SRC: variants seen among roughly 807,000 people sequenced by gnomAD.
The protein encoded by SRC is SRC proto-oncogene, non-receptor tyrosine kinase.
SRC carries 13 observed loss-of-function variants against 62.9 expected under a neutral mutation model. The observed-to-expected ratio is 0.21, with a 90% CI of 0.13 to 0.33. The LOEUF (loss-of-function observed/expected upper bound fraction) is 0.33, where lower values mean the gene tolerates loss of function less well. Among genes scored for constraint, SRC ranks in the 10% least tolerant of loss-of-function variants. The pLI is 1.00. For missense variants in SRC, 457 were observed against 737.3 expected (o/e 0.62, Z 4.40); for synonymous variants, 302 against 317.5 (o/e 0.95, Z 0.52).
chr20:37,351,150 T>A lies in SRC; in HGVS notation c.-247+4895T>A, dbSNP rs1402110891. On this transcript the variant is annotated intron_variant, in intron 1 of 13. Transcript: ENST00000373578. The surrounding 1 kb of genome is among the most constrained non-coding windows in gnomAD (Gnocchi z 4.4). ...ACCTCCATCTCCCTACTCCTTGCTC[T>A]GGGTCCTTGGGCAAGTGACTTTCCC... Among the ~76,000 whole-genome samples the A allele has an allele frequency of 6.6e-6, 1 of 152,250 alleles. No homozygotes were observed. The highest frequency in any genetic ancestry group is 2.4e-5 in the African/African-American group (1 of 41,470).
At chr20:37,374,561 T>C (rs1195625363) in intron 2 of SRC, among the ~76,000 whole-genome samples, 3 of 143,162 alleles carry the variant, frequency 2.1e-5, no homozygotes, top group East Asian at 2.1e-4. Context: ...CCAAATACTA[T>C]AATAATACTC....
intron 2 of SRC, among the ~76,000 whole-genome samples, chr20:37,372,345 T>G (rs1202729142): frequency 6.6e-6 from 1 of 152,206 alleles, no homozygotes; most frequent in Non-Finnish European, 1.5e-5. Flanking sequence ...TTAAGTTCTC[T>G]TTTACCACAT....
intron 1 of SRC, among the ~76,000 whole-genome samples, chr20:37,355,385 G>T (rs995238296): frequency 1.3e-5 from 2 of 152,124 alleles, no homozygotes; most frequent in East Asian, 3.9e-4. Flanking sequence ...CATTTGCAGC[G>T]AGCTCCCCCC....
intron 1 of SRC, among the ~76,000 whole-genome samples, chr20:37,361,379 A>G (rs1327946997): frequency 6.6e-6 from 1 of 152,164 alleles, no homozygotes; most frequent in Non-Finnish European, 1.5e-5. Context: ...GAGTAAAGGC[A>G]GGCTGACCTT....
At chr20:37,386,546 AT>A in intron 5 of SRC, 1 of 703,856 alleles carries the variant, frequency 1.4e-6, no homozygotes, top group South Asian at 1.5e-5. Context: ...TGCTGTCTGC[AT>A]GTGCTTCCAC....
At chr20:37,352,453 T>C (rs8125374) in intron 1 of SRC, among the ~76,000 whole-genome samples, 7,265 of 152,240 alleles carry the variant, frequency 0.048, 299 homozygotes, top group African/African-American at 0.11. Context: ...GCTTGGTGAC[T>C]GGATTGATTG....
At position 37,394,003 on chromosome 20, in the gene SRC, G is replaced by A. The variant is rs139475374; in HGVS notation, c.449+10G>A. 124 of 1,612,144 alleles carry A rather than the reference G, an allele frequency of 7.7e-5. No individual in the cohort carries two copies. The East Asian group carries it at 8.2e-4, about 11-fold the overall frequency. On this transcript the variant is annotated intron_variant, in intron 6 of 13. Coordinates refer to ENST00000373578, the MANE Select transcript of SRC (RefSeq NM_198291.3). Reference sequence around the variant, plus strand: ...CCATCCAGGCTGAGGAGTGAGTACCGTCTCTGGCTGCCTCTACCCGTCGTC... The same window carrying A: ...CCATCCAGGCTGAGGAGTGAGTACCATCTCTGGCTGCCTCTACCCGTCGTC...
Position 37,403,569 on chromosome 20 carries a change from G to T in SRC, c.*190G>T. The stretch of plus-strand genomic sequence containing the variant: ...ACCTAGGGTGGCCTGAGAGGGCGGT[G>T]GGTATGCGAGACCAGCACGGTGACT... On this transcript the variant is annotated 3_prime_UTR_variant, in exon 14 of 14. Coordinates refer to ENST00000373578, the MANE Select transcript of SRC (RefSeq NM_198291.3). The surrounding 1 kb of genome is among the most constrained non-coding windows in gnomAD (Gnocchi z 7.1). The T allele has an allele frequency of 1.6e-6, 1 of 641,400 alleles. No individual in the cohort carries two copies. The allele number at this position is 641,400 out of a possible 1,614,324, so 39.7% of individuals were successfully genotyped here. A position where few individuals can be genotyped will look rare whatever the true frequency, so the allele number is the denominator to read the frequency against.
At chr20:37,394,334 G>T in intron 7 of SRC, 57 bp downstream of exon 7, 1 of 1,505,686 alleles carries the variant, frequency 6.6e-7, no homozygotes, top group Non-Finnish European at 9.2e-7. Flanking sequence ...GGTTTGAGCT[G>T]GGTGTTGTGG....
chr20:37,384,298 G>A lies in SRC; in HGVS notation c.145G>A (p.Gly49Ser). 2 of 1,485,284 alleles carry A rather than the reference G, an allele frequency of 1.3e-6. No individual in the cohort carries two copies. The highest frequency in any genetic ancestry group is 2.9e-5 in the East Asian group (1 of 34,462). 92.0% of individuals were successfully genotyped at this position (1,485,284 alleles called of 1,614,324 possible). Residue 49 changes from glycine (G) to serine (S), a missense_variant, in exon 4 of 14, where the codon GGC (glycine) becomes AGC (serine). Transcript: ENST00000373578. This position sits in a 1 kb window ranked among gnomAD's most constrained non-coding sequence, Gnocchi z 6.7. ...GCCAGCCTCGGCCGACGGCCACCGC[G>A]GCCCCAGCGCGGCCTTCGCCCCCGC... ...SKPASADGHR[G>S]PSAAFAPAAA...
At chr20:37,391,811 G>A (rs1157207013) in intron 5 of SRC, among the ~76,000 whole-genome samples, 3 of 152,136 alleles carry the variant, frequency 2.0e-5, no homozygotes, top group African/African-American at 7.2e-5. Flanking sequence ...CCGAGATCGC[G>A]CTGTTGCACT....
At chr20:37,358,019 G>A (rs2069909322) in intron 1 of SRC, among the ~76,000 whole-genome samples, 1 of 152,218 alleles carries the variant, frequency 6.6e-6, no homozygotes, top group African/African-American at 2.4e-5. Context: ...TTTGGCCTTT[G>A]TGTCAGGAGT....
At position 37,389,086 on chromosome 20, in the gene SRC, G is replaced by T. The variant is rs532876200; in HGVS notation, c.350+2912G>T. On this transcript the variant is annotated intron_variant, in intron 5 of 13. Coordinates refer to ENST00000373578, the MANE Select transcript of SRC (RefSeq NM_198291.3). ...TGTGGATGGGGTCTGGCCAAGTGGG[G>T]GTCCTCGCAGTAGCAGACCCAGAGA... is the stretch of plus-strand genomic sequence containing the variant. Among the ~76,000 whole-genome samples the T allele has an allele frequency of 2.0e-5, 3 of 152,234 alleles. No homozygotes were observed. In the South Asian group the frequency reaches 6.2e-4, roughly 32 times the overall value.
At chr20:37,401,178 T>A (rs2070732106) in intron 10 of SRC, among the ~76,000 whole-genome samples, 1 of 152,138 alleles carries the variant, frequency 6.6e-6, no homozygotes, top group African/African-American at 2.4e-5. Context: ...TTTTTTCGTA[T>A]TTTTTGTACA....
At chr20:37,363,625 G>A (rs942992627) in intron 1 of SRC, among the ~76,000 whole-genome samples, 3 of 152,198 alleles carry the variant, frequency 2.0e-5, no homozygotes, top group African/African-American at 4.8e-5. Flanking sequence ...CGTGAACCCC[G>A]GGCGGGAGGA....
At chr20:37,345,172 T>A (rs1600941771), upstream of SRC, among the ~76,000 whole-genome samples, 1 of 152,012 alleles carries the variant, frequency 6.6e-6, no homozygotes, top group Admixed American at 6.5e-5. Flanking sequence ...TGGAGGCAGG[T>A]GTGATATTTA....
chr20:37,361,224 C>A (rs945791599), intron 1 of SRC, among the ~76,000 whole-genome samples: 1 of 152,066 alleles, frequency 6.6e-6, no homozygotes, highest in African/African-American at 2.4e-5. Flanking sequence ...TTGCGGCAGG[C>A]CCCCTCCATC....
At chr20:37,364,193 A>G (rs1180437170) in intron 1 of SRC, among the ~76,000 whole-genome samples, 2 of 152,046 alleles carry the variant, frequency 1.3e-5, no homozygotes, top group Admixed American at 1.3e-4. Flanking sequence ...CCTTTGAGGA[A>G]TGGGCTCTGG....
intron 4 of SRC, among the ~76,000 whole-genome samples, chr20:37,385,342 A>ATT (rs1239334370): frequency 1.3e-5 from 2 of 152,188 alleles, no homozygotes; most frequent in Non-Finnish European, 2.9e-5. Context: ...CACACCATTC[A>ATT]TTTGTTCAAT....
Sources: gnomAD v4.1 joint callset for allele counts (sites outside exome capture counted in the v4.1 genomes callset) on GRCh38, gnomAD v4.1.1 for gene constraint, Gnocchi (gnomAD v3.1) non-coding constraint, MANE v1.5 for transcripts, NCBI Gene and HGNC (gene_info 2026-07-23, HGNC 2026-07-21) for gene names.